BEAN1: variants seen among roughly 807,000 people sequenced by gnomAD.
BEAN1 encodes protein BEAN1.
BEAN1 carries 17 observed loss-of-function variants against 17.7 expected under a neutral mutation model. The observed-to-expected ratio is 0.96, with a 90% CI of 0.66 to 1.44. The LOEUF (loss-of-function observed/expected upper bound fraction) is 1.44, where lower values mean the gene tolerates loss of function less well. Among genes scored for constraint, BEAN1 ranks in the 40% most tolerant of loss-of-function variants. The pLI is 0.00. For missense variants in BEAN1, 359 were observed against 374.1 expected (o/e 0.96, Z 0.33); for synonymous variants, 142 against 151.8 (o/e 0.94, Z 0.47).
intron 2 of BEAN1, among the ~76,000 whole-genome samples, chr16:66,459,988 G>C (rs1339878442): frequency 6.6e-6 from 1 of 152,210 alleles, no homozygotes; most frequent in African/African-American, 2.4e-5. Context: ...ACTGGGAGCA[G>C]CTCCCCTGGG....
intron 2 of BEAN1, among the ~76,000 whole-genome samples, chr16:66,459,980 T>TGGGA (rs1963021444): frequency 6.6e-6 from 1 of 152,300 alleles, no homozygotes; most frequent in African/African-American, 2.4e-5. Context: ...AATGGGTGAC[T>TGGGA]GGGAGCAGCT....
chr16:66,451,106 T>C (rs772689793), intron 2 of BEAN1: 2 of 153,722 alleles, frequency 1.3e-5, no homozygotes, highest in Non-Finnish European at 2.9e-5. Flanking sequence ...ATGGTGCAAC[T>C]ACCTCTTGTG....
intron 2 of BEAN1, among the ~76,000 whole-genome samples, chr16:66,453,787 G>T (rs766227505): frequency 6.6e-6 from 1 of 151,884 alleles, no homozygotes; most frequent in African/African-American, 2.4e-5. Flanking sequence ...AGGCTGGAGT[G>T]CAGTGGCACA....
intron 2 of BEAN1, among the ~76,000 whole-genome samples, chr16:66,443,433 G>A (rs1262770657): frequency 6.6e-6 from 1 of 152,196 alleles, no homozygotes; most frequent in Non-Finnish European, 1.5e-5. Flanking sequence ...TCAGGGCTAC[G>A]CCCCAAGTGA....
At chr16:66,456,183 C>T (rs1962859238) in intron 2 of BEAN1, among the ~76,000 whole-genome samples, 1 of 152,208 alleles carries the variant, frequency 6.6e-6, no homozygotes, top group Non-Finnish European at 1.5e-5. Flanking sequence ...ATGGCCTTCA[C>T]ACAATCCTTT....
chr16:66,487,630 G>A (rs563589787), downstream of BEAN1, among the ~76,000 whole-genome samples: 13 of 152,230 alleles, frequency 8.5e-5, no homozygotes, highest in East Asian at 3.9e-4. Context: ...GGCTCAGCCC[G>A]CCAGAGACCC....
rs370370468 is a variant in BEAN1 at position 66,456,458 on chromosome 16, C to G, written c.26-13144C>G. The stretch of plus-strand genomic sequence containing the variant: ...CTGTCTCCTACTTATCAGGCATGCA[C>G]AGTAACTCCACTGGCATTATATTAT... On this transcript the variant is annotated intron_variant, in intron 2 of 4. Coordinates refer to ENST00000536005, the MANE Select transcript of BEAN1 (RefSeq NM_001178020.3). Among the ~76,000 whole-genome samples the G allele has an allele frequency of 1.8e-4, 27 of 152,270 alleles. 1 individual carries two copies. Among genetic ancestry groups the G allele is most frequent in the African/African-American group, 6.3e-4 (26 of 41,550 alleles).
intron 2 of BEAN1, among the ~76,000 whole-genome samples, chr16:66,438,806 C>G (rs35748389): frequency 0.032 from 4,891 of 152,110 alleles, 110 homozygotes; most frequent in Non-Finnish European, 0.047. Context: ...TTCCCTGAGC[C>G]CCCCCCAAAC....
At chr16:66,484,998 T>C (rs984388860), downstream of BEAN1, 6 of 454,012 alleles carry the variant, frequency 1.3e-5, no homozygotes, top group African/African-American at 6.0e-5. This position sits in a 1 kb window ranked among gnomAD's most constrained non-coding sequence, Gnocchi z 4.2. Flanking sequence ...AGAGCCATCA[T>C]TGGGTCCCCG....
chr16:66,491,242 G>T (rs984191762), intron 4 of BEAN1, among the ~76,000 whole-genome samples: 10 of 152,224 alleles, frequency 6.6e-5, no homozygotes, highest in African/African-American at 2.4e-4. Context: ...AGTGGCCCTT[G>T]CTCTGGGTGG....
exon 5 of BEAN1, chr16:66,493,026 T>C (rs1294937816): frequency 8.5e-6 from 6 of 702,870 alleles, no homozygotes; most frequent in Non-Finnish European, 1.3e-5. Context: ...CTGGACGCCA[T>C]CCTGGGCAGG....
chr16:66,429,066 A>G (rs1961693644), intron 1 of BEAN1, among the ~76,000 whole-genome samples: 1 of 152,034 alleles, frequency 6.6e-6, no homozygotes, highest in Non-Finnish European at 1.5e-5. Context: ...AGCTCCGTAC[A>G]AGGGAATTTA....
chr16:66,453,393 G>C (rs1962749997), intron 2 of BEAN1, among the ~76,000 whole-genome samples: 1 of 151,568 alleles, frequency 6.6e-6, no homozygotes, highest in South Asian at 2.1e-4. Context: ...TGAAGACAAA[G>C]GCTTCAAAAG....
chr16:66,435,529 C>T (rs983169189), intron 1 of BEAN1, among the ~76,000 whole-genome samples: 3 of 152,160 alleles, frequency 2.0e-5, no homozygotes, highest in Non-Finnish European at 4.4e-5. Flanking sequence ...ACTCTGTCAC[C>T]CAGGCTGGAG....
intron 2 of BEAN1, among the ~76,000 whole-genome samples, chr16:66,445,812 A>G (rs1246983494): frequency 6.6e-6 from 1 of 152,148 alleles, no homozygotes; most frequent in Non-Finnish European, 1.5e-5. Context: ...TTGAGCTGAG[A>G]AGGGACCTGA....
chr16:66,476,109 C>CAA (rs543784605), intron 3 of BEAN1, among the ~76,000 whole-genome samples: 19 of 83,320 alleles, frequency 2.3e-4, no homozygotes, highest in African/African-American at 4.5e-4. Flanking sequence ...GACTCCGTCT[C>CAA]AAAAAAAAAA....
intron 2 of BEAN1, among the ~76,000 whole-genome samples, chr16:66,468,690 T>G (rs372024160): frequency 6.6e-6 from 1 of 152,056 alleles, no homozygotes; most frequent in East Asian, 1.9e-4. Flanking sequence ...CAGGGCTGAG[T>G]TGGAGGGAAT....
rs1476322421 is a variant in BEAN1, at chr16:66,473,784, C to A, written c.290-3776C>A. Among the ~76,000 whole-genome samples, 2 of 152,034 alleles carry A rather than the reference C, an allele frequency of 1.3e-5. No homozygotes were observed. Among genetic ancestry groups the A allele is most frequent in the Non-Finnish European group, 2.9e-5 (2 of 67,998 alleles). On this transcript the variant is annotated intron_variant, in intron 3 of 4. Transcript: ENST00000536005. The surrounding 1 kb of genome is among the most constrained non-coding windows in gnomAD (Gnocchi z 4.5). ...GTGAACCCCAACCTTTGGCACTGGG[C>A]CCCTTCCACCTGTCAGACACACTCA... is the stretch of plus-strand genomic sequence containing the variant.
intron 3 of BEAN1, among the ~76,000 whole-genome samples, chr16:66,477,135 T>G (rs1963779668): frequency 6.6e-6 from 1 of 152,136 alleles, no homozygotes; most frequent in African/African-American, 2.4e-5. Flanking sequence ...CCTCCCGGCC[T>G]TCCCCTCTTC....
Sources: allele counts gnomAD v4.1 joint callset (sites outside exome capture counted in the v4.1 genomes callset), GRCh38; gene constraint gnomAD v4.1.1; non-coding constraint Gnocchi (gnomAD v3.1); transcripts MANE v1.5; gene names NCBI Gene and HGNC (gene_info 2026-07-23, HGNC 2026-07-21).